The following RIMS1 variants were observed in gnomAD, a reference collection of about 807,000 sequenced individuals.
RIMS1 encodes the protein regulating synaptic membrane exocytosis protein 1.
In RIMS1, 83 loss-of-function variants were observed where a neutral mutation model predicts 214.1. The ratio of observed to expected loss-of-function variants is 0.39; its 90% CI spans 0.32 to 0.47. The LOEUF is 0.47. Among genes scored for constraint, RIMS1 ranks in the 20% least tolerant of loss-of-function variants. The probability of loss-of-function intolerance (pLI) is 0.99; values close to 1 mark genes in which losing one functional copy is unlikely to be tolerated. For synonymous variants in RIMS1, 793 were observed against 786.8 expected, an observed-to-expected ratio of 1.01 and a Z score of -0.13; for missense variants, 2,050 against 2,161.8, an observed-to-expected ratio of 0.95 and a Z score of 1.03.
At chr6:72,187,618 T>C (rs749020170) in intron 6 of RIMS1, among the ~76,000 whole-genome samples, 2 of 151,742 alleles carry the variant, frequency 1.3e-5, no homozygotes, top group African/African-American at 4.8e-5. Flanking sequence ...CTCTGCCTCC[T>C]GAGTAGCTGG....
intron 28 of RIMS1, among the ~76,000 whole-genome samples, chr6:72,326,013 G>A (rs1369080370): frequency 6.6e-6 from 1 of 151,746 alleles, no homozygotes; most frequent in Non-Finnish European, 1.5e-5. Context: ...AGTAACTTGT[G>A]TATTGATCCA....
At chr6:72,381,432 G>T (rs2098485194) in intron 29 of RIMS1, among the ~76,000 whole-genome samples, 1 of 152,232 alleles carries the variant, frequency 6.6e-6, no homozygotes, top group Admixed American at 6.5e-5. Flanking sequence ...AAACATTGAA[G>T]CTGTGAAATC....
At chr6:72,138,165 A>G (rs2041614616) in intron 4 of RIMS1, among the ~76,000 whole-genome samples, 1 of 152,220 alleles carries the variant, frequency 6.6e-6, no homozygotes, top group Non-Finnish European at 1.5e-5. Context: ...TATCTATGAT[A>G]CATTTTTATC....
intron 28 of RIMS1, among the ~76,000 whole-genome samples, chr6:72,322,910 C>G (rs2206884): frequency 0.34 from 51,532 of 151,846 alleles, 9,097 homozygotes; most frequent in Non-Finnish European, 0.38. Context: ...TGACCAGTGA[C>G]CTGTCTATGC....
chr6:72,251,254 C>A lies in RIMS1; in HGVS notation c.2584C>A (p.Pro862Thr), dbSNP rs762763754. ...GGAGACAGCGCTTTTAGATGATGAA[C>A]CGCATTGGTATAAACTTCAGACACA... The part of the protein sequence containing the change: ...ELETALLDDE[P>T]HWYKLQTHDE... The change falls in exon 15 of 34, where the codon CCG becomes ACG. Residue 862 changes from proline (P) to threonine (T), a missense_variant. By Grantham distance (38) the Pro-to-Thr change is conservative. Around this residue, in one of 6 missense-constraint regions of RIMS1, gnomAD observed 889 missense variants for 885.5 expected, o/e 1.00. Coordinates refer to ENST00000521978, the MANE Select transcript of RIMS1 (RefSeq NM_014989.7). 3.1e-6 allele frequency: 5 copies of A among 1,598,550 alleles called. No individual in the cohort carries two copies. Among genetic ancestry groups the A allele is most frequent in the East Asian group, 2.3e-5 (1 of 44,310 alleles).
intron 31 of RIMS1, among the ~76,000 whole-genome samples, chr6:72,395,925 G>A (rs749078691): frequency 1.3e-5 from 2 of 151,260 alleles, no homozygotes; most frequent in Non-Finnish European, 3.0e-5. Context: ...ATGGAAAATA[G>A]ACAATAAAAT....
In RIMS1 at chr6:72,258,840, A is replaced by T. The variant is rs1590940403; in HGVS notation, c.2928-146A>T. On this transcript the variant is annotated intron_variant, in intron 17 of 33. Transcript: ENST00000521978. ...AACTCATAGAAAACAAATACCCTTA[A>T]CTCATTGATAAGTAGGTTTTGATTA... The T allele has an allele frequency of 1.2e-5, 9 of 747,668 alleles. No homozygotes were observed. In the East Asian group the frequency reaches 1.3e-4, roughly 11 times the overall value. The allele number at this position is 747,668 out of a possible 1,614,324, so 46.3% of individuals were successfully genotyped here.
At chr6:72,191,198 C>T (rs1289335106) in intron 6 of RIMS1, among the ~76,000 whole-genome samples, 2 of 152,176 alleles carry the variant, frequency 1.3e-5, no homozygotes, top group East Asian at 3.9e-4. Flanking sequence ...GGCAGAGTAA[C>T]ACACCCAAAT....
chr6:71,887,075 C>A lies in RIMS1; in HGVS notation c.52C>A (p.Pro18Thr), dbSNP rs980168624. The change falls in exon 1 of 34, where the codon CCC becomes ACC. Residue 18 changes from proline (P) to threonine (T), a missense_variant. Pro to Thr is a conservative substitution (Grantham distance 38). Around this residue, in one of 6 missense-constraint regions of RIMS1, gnomAD observed 882 missense variants for 828.9 expected, o/e 1.06. Coordinates refer to ENST00000521978, the MANE Select transcript of RIMS1 (RefSeq NM_014989.7). Reference sequence around the variant, plus strand: ...TCCTCGCCCACCCACGGTGCCTCCCCCCATGCAAGAGCTGCCCGACCTGAG... The same window carrying A: ...TCCTCGCCCACCCACGGTGCCTCCCACCATGCAAGAGCTGCCCGACCTGAG... ...RGPRPPTVPP[P>T]MQELPDLSHL... 6.2e-7 allele frequency: 1 copy of A among 1,613,646 alleles called. No homozygotes were observed. The highest frequency in any genetic ancestry group is 2.2e-5 in the East Asian group (1 of 44,862).
intron 29 of RIMS1, among the ~76,000 whole-genome samples, chr6:72,365,503 G>C (rs1443629419): frequency 2.0e-5 from 3 of 152,186 alleles, no homozygotes; most frequent in Admixed American, 2.0e-4. Flanking sequence ...TTGCAGTTTT[G>C]AGGCAGGTTT....
chr6:72,302,765 G>C (rs1003404198), intron 26 of RIMS1, among the ~76,000 whole-genome samples: 1 of 151,464 alleles, frequency 6.6e-6, no homozygotes, highest in African/African-American at 2.4e-5. Flanking sequence ...AGGTGTTATT[G>C]TGTGTCAACT....
intron 26 of RIMS1, among the ~76,000 whole-genome samples, chr6:72,301,597 G>T (rs925138144): frequency 4.0e-5 from 6 of 151,438 alleles, no homozygotes; most frequent in Non-Finnish European, 7.4e-5. Context: ...AGATTCATGA[G>T]ATTTTTTTAA....
At chr6:72,007,689 G>A (rs1448403486) in intron 2 of RIMS1, among the ~76,000 whole-genome samples, 1 of 152,222 alleles carries the variant, frequency 6.6e-6, no homozygotes, top group Non-Finnish European at 1.5e-5. Flanking sequence ...ACAAGCTTCA[G>A]TAGCTGATTT....
intron 4 of RIMS1, among the ~76,000 whole-genome samples, chr6:72,173,860 G>A (rs1367985833): frequency 6.6e-6 from 1 of 152,060 alleles, no homozygotes; most frequent in Non-Finnish European, 1.5e-5. Context: ...TGAACAACTG[G>A]AGAATCAGCC....
chr6:72,315,605 G>A (rs533162414), intron 28 of RIMS1, among the ~76,000 whole-genome samples: 84 of 152,220 alleles, frequency 5.5e-4, no homozygotes, highest in Non-Finnish European at 9.3e-4. Flanking sequence ...GATGTGACAC[G>A]TCTTCTCTTC....
intron 29 of RIMS1, among the ~76,000 whole-genome samples, chr6:72,360,034 T>C (rs571899197): frequency 6.6e-6 from 1 of 152,212 alleles, no homozygotes; most frequent in East Asian, 1.9e-4. Context: ...GATAAGTTTA[T>C]TTGCCTTAAT....
chr6:72,188,673 GT>G (rs1009257204), intron 6 of RIMS1, among the ~76,000 whole-genome samples: 2 of 152,158 alleles, frequency 1.3e-5, no homozygotes, highest in African/African-American at 4.8e-5. Flanking sequence ...GCAGTTTGTG[GT>G]TTTTTACCTG....
chr6:71,997,431 T>C (rs933345324), intron 2 of RIMS1, among the ~76,000 whole-genome samples: 6 of 152,178 alleles, frequency 3.9e-5, no homozygotes, highest in Non-Finnish European at 7.4e-5. Context: ...CCATTTAAAA[T>C]ATTTAATGAA....
chr6:72,250,429 T>C lies in RIMS1; in HGVS notation c.2341T>C (p.Tyr781His). 6.2e-7 allele frequency: 1 copy of C among 1,600,658 alleles called. No individual in the cohort carries two copies. The highest frequency in any genetic ancestry group is 8.5e-7 in the Non-Finnish European group (1 of 1,171,170). ...AGTAGATGGACGTCCTCGAAATCCC[T>C]ATGTAAAAATGTATTTTCTTCCAGA... Reference protein sequence around the residue: ...ARVDGRPRNPYVKMYFLPDRS... With the variant: ...ARVDGRPRNPHVKMYFLPDRS... Residue 781 changes from tyrosine (Y) to histidine (H), a missense_variant, in exon 13 of 34, where the codon TAT becomes CAT. By Grantham distance (83) the Tyr-to-His change is moderately conservative. Around this residue, in one of 6 missense-constraint regions of RIMS1, gnomAD observed 889 missense variants for 885.5 expected, o/e 1.00. Transcript: ENST00000521978.
Sources: gnomAD v4.1 joint callset for allele counts (sites outside exome capture counted in the v4.1 genomes callset) on GRCh38, gnomAD v4.1.1 for gene constraint, gnomAD v4.1.1 regional missense constraint, MANE v1.5 for transcripts, NCBI Gene and HGNC (gene_info 2026-07-23, HGNC 2026-07-21) for gene names.